The following STARD13 variants were observed in gnomAD, a reference collection of about 807,000 sequenced individuals.
STARD13 encodes the protein StAR related lipid transfer domain containing 13.
In STARD13, 62 loss-of-function variants were observed where a neutral mutation model predicts 106.4. The observed-to-expected ratio is 0.58, with a 90% confidence interval of 0.48 to 0.72. The LOEUF (loss-of-function observed/expected upper bound fraction) is 0.72, where lower values mean the gene tolerates loss of function less well. Ranked by LOEUF, STARD13 falls within the 30% of genes least tolerant of loss-of-function variation. The pLI is 0.00. For missense variants in STARD13, 1,387 were observed against 1,424.0 expected (o/e 0.97, Z 0.42); for synonymous variants, 565 against 553.0 (o/e 1.02, Z -0.31).
chr13:33,302,943 A>G (rs1225178670), intron 1 of STARD13, among the ~76,000 whole-genome samples: 1 of 152,214 alleles, frequency 6.6e-6, no homozygotes, highest in African/African-American at 2.4e-5. Context: ...CAGATTCTTC[A>G]GTCTGGCATT....
At chr13:33,632,245 G>A in the STARD13 span, among the ~76,000 whole-genome samples, 1 of 152,168 alleles carries the variant, frequency 6.6e-6, no homozygotes, top group South Asian at 2.1e-4. Context: ...CATTTCCTGA[G>A]CCATTCCTCT....
the STARD13 span, among the ~76,000 whole-genome samples, chr13:33,363,299 G>A: frequency 6.6e-6 from 1 of 152,128 alleles, no homozygotes; most frequent in Non-Finnish European, 1.5e-5. Context: ...TACACACAGA[G>A]CTATTTTATT....
the STARD13 span, among the ~76,000 whole-genome samples, chr13:33,508,612 GT>G: frequency 6.6e-6 from 1 of 152,180 alleles, no homozygotes; most frequent in Non-Finnish European, 1.5e-5. Flanking sequence ...GTAAATGACA[GT>G]TCTTAAAATG....
the STARD13 span, among the ~76,000 whole-genome samples, chr13:33,529,147 CA>C: frequency 4.0e-5 from 6 of 151,344 alleles, no homozygotes; most frequent in African/African-American, 1.5e-4. Context: ...TTGAATACTG[CA>C]AAAAAAAGGA....
chr13:33,411,914 G>GA, the STARD13 span, among the ~76,000 whole-genome samples: 2 of 152,050 alleles, frequency 1.3e-5, no homozygotes, highest in African/African-American at 2.4e-5. Context: ...TCAAATGAAG[G>GA]AAAAATAAAA....
At chr13:33,510,577 A>T in the STARD13 span, among the ~76,000 whole-genome samples, 2 of 152,158 alleles carry the variant, frequency 1.3e-5, no homozygotes, top group African/African-American at 4.8e-5. Context: ...AGGGATGATC[A>T]CATGACCAAA....
the STARD13 span, among the ~76,000 whole-genome samples, chr13:33,476,342 G>A: frequency 6.6e-6 from 1 of 152,172 alleles, no homozygotes; most frequent in Non-Finnish European, 1.5e-5. Context: ...TTGTACTGGT[G>A]TAAAGATTCT....
the STARD13 span, among the ~76,000 whole-genome samples, chr13:33,584,848 C>G: frequency 6.6e-6 from 1 of 151,792 alleles, no homozygotes; most frequent in Non-Finnish European, 1.5e-5. Flanking sequence ...TCATGAGATT[C>G]AGCTGTTTAA....
intron 1 of STARD13, among the ~76,000 whole-genome samples, chr13:33,303,848 G>T (rs1448133193): frequency 1.3e-5 from 2 of 152,102 alleles, no homozygotes; most frequent in Non-Finnish European, 1.5e-5. Context: ...CTAGAACCCT[G>T]GAAACCTCAC....
At chr13:33,443,613 T>C in the STARD13 span, among the ~76,000 whole-genome samples, 34,507 of 151,794 alleles carry the variant, frequency 0.23, 7,049 homozygotes, top group African/African-American at 0.55. Context: ...CGGCCATGTG[T>C]GGTGGCTCAC....
At chr13:33,511,805 G>C in the STARD13 span, among the ~76,000 whole-genome samples, 4 of 152,266 alleles carry the variant, frequency 2.6e-5, no homozygotes, top group African/African-American at 9.6e-5. Flanking sequence ...ACTTCATTAG[G>C]AGAGATTACT....
At chr13:33,293,376 T>C (rs185710698) in intron 1 of STARD13, among the ~76,000 whole-genome samples, 1 of 152,350 alleles carries the variant, frequency 6.6e-6, no homozygotes, top group African/African-American at 2.4e-5. Flanking sequence ...AATGATTATA[T>C]GAATTTCCCC....
At chr13:33,251,325 T>G (rs1303144092) in intron 1 of STARD13, among the ~76,000 whole-genome samples, 1 of 152,180 alleles carries the variant, frequency 6.6e-6, no homozygotes, top group Non-Finnish European at 1.5e-5. Flanking sequence ...GAGCCATTTT[T>G]GGGCTGCTGA....
chr13:33,405,413 G>T, the STARD13 span, among the ~76,000 whole-genome samples: 1 of 152,236 alleles, frequency 6.6e-6, no homozygotes. Flanking sequence ...GCAGGGAGAA[G>T]CCAGGAGCCA....
the STARD13 span, among the ~76,000 whole-genome samples, chr13:33,425,790 T>C: frequency 6.0e-3 from 914 of 152,340 alleles, 6 homozygotes; most frequent in Middle Eastern, 0.02. Flanking sequence ...GTGGGAAGAC[T>C]GCGAAGTTTG....
chr13:33,542,849 C>T, the STARD13 span, among the ~76,000 whole-genome samples: 1 of 152,210 alleles, frequency 6.6e-6, no homozygotes, highest in East Asian at 1.9e-4. Context: ...CCGAGTCTCC[C>T]GCCACCCGCG....
chr13:33,125,652 A>G (rs1240802360), intron 7 of STARD13, among the ~76,000 whole-genome samples: 1 of 58,430 alleles, frequency 1.7e-5, no homozygotes, highest in Non-Finnish European at 3.6e-5. Context: ...TGCTGCTTCA[A>G]AGGAAAAAAA....
At chr13:33,166,613 AG>A (rs1156918340) in intron 2 of STARD13, among the ~76,000 whole-genome samples, 2 of 152,224 alleles carry the variant, frequency 1.3e-5, no homozygotes, top group African/African-American at 4.8e-5. Context: ...GTTCATTACT[AG>A]ATAAGGACAA....
chr13:33,398,902 C>T, the STARD13 span, among the ~76,000 whole-genome samples: 1 of 152,148 alleles, frequency 6.6e-6, no homozygotes, highest in African/African-American at 2.4e-5. Flanking sequence ...TTGGTATTTA[C>T]TCAAGAGAAA....
Sources: allele counts gnomAD v4.1 joint callset (sites outside exome capture counted in the v4.1 genomes callset), GRCh38; gene constraint gnomAD v4.1.1; transcripts MANE v1.5; gene names NCBI Gene and HGNC (gene_info 2026-07-23, HGNC 2026-07-21).